The following CNTNAP5 variants were observed in gnomAD, a reference collection of about 807,000 sequenced individuals.
CNTNAP5 encodes contactin-associated protein-like 5.
Under a neutral mutation model 150.2 loss-of-function variants are expected in CNTNAP5, and 72 were observed. That is an observed-to-expected ratio of 0.48 (90% CI 0.40 to 0.58). The LOEUF (loss-of-function observed/expected upper bound fraction) is 0.58. Among genes scored for constraint, CNTNAP5 ranks in the 20% least tolerant of loss-of-function variants. CNTNAP5 has a pLI of 0.00. For synonymous variants in CNTNAP5, 672 were observed against 619.8 expected (o/e 1.08, Z -1.25); for missense variants, 1,636 against 1,626.2 (o/e 1.01, Z -0.10).
intron 8 of CNTNAP5, among the ~76,000 whole-genome samples, chr2:124,511,143 C>T (rs943808252): frequency 6.6e-6 from 1 of 152,020 alleles, no homozygotes; most frequent in Non-Finnish European, 1.5e-5. Flanking sequence ...TTCAAAACAA[C>T]CTGAATTACT....
intron 10 of CNTNAP5, among the ~76,000 whole-genome samples, chr2:124,543,601 A>G (rs1695439833): frequency 6.6e-6 from 1 of 152,194 alleles, no homozygotes; most frequent in Non-Finnish European, 1.5e-5. Context: ...TGAAGAAGAA[A>G]GGTTTCACAT....
At chr2:124,588,173 CTTCCTTCTTTCT>C (rs1411127264) in intron 11 of CNTNAP5, among the ~76,000 whole-genome samples, 26 of 92,574 alleles carry the variant, frequency 2.8e-4, no homozygotes, top group African/African-American at 9.0e-4. Context: ...TCCTTCCTTC[CTTCCTTCTTTCT>C]TTCTTTCTTT....
At chr2:124,854,023 G>T (rs1365704710) in intron 19 of CNTNAP5, among the ~76,000 whole-genome samples, 1 of 152,148 alleles carries the variant, frequency 6.6e-6, no homozygotes, top group Non-Finnish European at 1.5e-5. Flanking sequence ...ATTTCATGGT[G>T]TCTATATACC....
intron 3 of CNTNAP5, among the ~76,000 whole-genome samples, chr2:124,383,357 T>A (rs898198547): frequency 5.9e-5 from 9 of 152,202 alleles, no homozygotes; most frequent in Non-Finnish European, 5.9e-5. Flanking sequence ...CTATATCATT[T>A]GCTTTTTATG....
intron 13 of CNTNAP5, among the ~76,000 whole-genome samples, chr2:124,653,920 C>CCCA (rs1411647002): frequency 7.2e-6 from 1 of 138,966 alleles, no homozygotes; most frequent in Non-Finnish European, 1.6e-5. Flanking sequence ...AACCCCCCCC[C>CCCA]CCCGCCACAC....
chr2:124,740,574 A>C (rs1313759038), intron 13 of CNTNAP5, among the ~76,000 whole-genome samples: 1 of 152,292 alleles, frequency 6.6e-6, no homozygotes, highest in East Asian at 1.9e-4. Flanking sequence ...AGCGGTTTCT[A>C]ACCATATTGC....
At chr2:124,202,728 G>A (rs569640958) in intron 1 of CNTNAP5, among the ~76,000 whole-genome samples, 1 of 152,268 alleles carries the variant, frequency 6.6e-6, no homozygotes, top group South Asian at 2.1e-4. Flanking sequence ...GTTTGCAGGG[G>A]AACAGCCCTT....
intron 13 of CNTNAP5, among the ~76,000 whole-genome samples, chr2:124,670,588 TG>T (rs1678802009): frequency 1.4e-5 from 2 of 146,400 alleles, no homozygotes; most frequent in African/African-American, 5.3e-5. Context: ...ATTTTCTTGT[TG>T]TTGTTGTTTG....
intron 1 of CNTNAP5, among the ~76,000 whole-genome samples, chr2:124,050,569 C>T (rs947704414): frequency 1.1e-4 from 16 of 152,142 alleles, no homozygotes; most frequent in Non-Finnish European, 2.4e-4. Context: ...CACTTCTGCA[C>T]TTTCCGGGGT....
intron 19 of CNTNAP5, among the ~76,000 whole-genome samples, chr2:124,861,680 T>C (rs1263068527): frequency 5.3e-5 from 8 of 152,168 alleles, no homozygotes; most frequent in African/African-American, 1.9e-4. Context: ...AGATTTAACT[T>C]GAGTGCTCCA....
At chr2:124,495,485 G>A (rs900277471) in intron 7 of CNTNAP5, among the ~76,000 whole-genome samples, 1 of 152,214 alleles carries the variant, frequency 6.6e-6, no homozygotes, top group Non-Finnish European at 1.5e-5. Context: ...GTAGTTCCCT[G>A]TTTACTGGTG....
At chr2:124,126,384 A>C (rs1336374774) in intron 1 of CNTNAP5, among the ~76,000 whole-genome samples, 2 of 151,356 alleles carry the variant, frequency 1.3e-5, no homozygotes, top group African/African-American at 4.9e-5. Flanking sequence ...TGAATAGACC[A>C]ATAATGGGCT....
At chr2:124,341,507 T>G (rs1028575537) in intron 3 of CNTNAP5, among the ~76,000 whole-genome samples, 1 of 152,144 alleles carries the variant, frequency 6.6e-6, no homozygotes, top group Admixed American at 6.6e-5. Context: ...TGGCAAAGAA[T>G]CTCATTAAAC....
At chr2:124,165,316 T>G (rs761541835) in intron 1 of CNTNAP5, among the ~76,000 whole-genome samples, 1 of 152,284 alleles carries the variant, frequency 6.6e-6, no homozygotes, top group Non-Finnish European at 1.5e-5. Context: ...ATTTGTAGAA[T>G]GATATCCATT....
chr2:124,905,546 G>A (rs1678518016), intron 22 of CNTNAP5, among the ~76,000 whole-genome samples: 1 of 151,990 alleles, frequency 6.6e-6, no homozygotes, highest in Non-Finnish European at 1.5e-5. Flanking sequence ...TGTCATTTTG[G>A]GTGTCTGAAA....
intron 1 of CNTNAP5, among the ~76,000 whole-genome samples, chr2:124,082,772 T>C (rs1187938153): frequency 3.3e-5 from 5 of 152,220 alleles, no homozygotes; most frequent in Admixed American, 3.3e-4. Context: ...CTACCAGCAA[T>C]GTATGAATGA....
intron 1 of CNTNAP5, among the ~76,000 whole-genome samples, chr2:124,045,690 G>C (rs1295905221): frequency 6.6e-6 from 1 of 152,136 alleles, no homozygotes; most frequent in Non-Finnish European, 1.5e-5. Flanking sequence ...GCACTGTGTA[G>C]ACAATAATAA....
intron 3 of CNTNAP5, among the ~76,000 whole-genome samples, chr2:124,317,080 C>T (rs930770315): frequency 5.9e-5 from 9 of 152,060 alleles, no homozygotes; most frequent in African/African-American, 9.7e-5. Flanking sequence ...CTGGGCAGCA[C>T]GCCATTATTC....
intron 13 of CNTNAP5, among the ~76,000 whole-genome samples, chr2:124,731,078 T>A (rs996007259): frequency 1.3e-5 from 2 of 152,126 alleles, no homozygotes; most frequent in African/African-American, 4.8e-5. Context: ...ATGGGTGTGA[T>A]CGCTGGGCTC....
Sources: gnomAD v4.1 joint callset for allele counts (sites outside exome capture counted in the v4.1 genomes callset) on GRCh38, gnomAD v4.1.1 for gene constraint, MANE v1.5 for transcripts, NCBI Gene and HGNC (gene_info 2026-07-23, HGNC 2026-07-21) for gene names.